BLMH: variants seen among roughly 807,000 people sequenced by gnomAD.
The protein encoded by BLMH is bleomycin hydrolase, also known as BLM hydrolase.
In BLMH, 32 loss-of-function variants were observed where a neutral mutation model predicts 61.6. The ratio of observed to expected loss-of-function variants is 0.52; its 90% CI spans 0.39 to 0.70. The LOEUF (loss-of-function observed/expected upper bound fraction) is 0.70, where lower values mean the gene tolerates loss of function less well. Among genes scored for constraint, BLMH ranks in the 30% least tolerant of loss-of-function variants. The pLI, the probability that BLMH is intolerant of heterozygous loss-of-function variation, is 0.00. For synonymous variants in BLMH, 183 were observed against 193.8 expected (o/e 0.94, Z 0.46); for missense variants, 460 against 555.5 (o/e 0.83, Z 1.73).
intron 6 of BLMH, among the ~76,000 whole-genome samples, chr17:30,281,613 T>A (rs1908594129): frequency 6.6e-6 from 1 of 152,186 alleles, no homozygotes; most frequent in Non-Finnish European, 1.5e-5. Flanking sequence ...TTCCTCGTCC[T>A]CCACATCCAA....
At chr17:30,257,747 G>A (rs1176160136) in intron 11 of BLMH, among the ~76,000 whole-genome samples, 1 of 152,148 alleles carries the variant, frequency 6.6e-6, no homozygotes, top group Non-Finnish European at 1.5e-5. Context: ...AGGAAAGAGG[G>A]CAGTAAGTAA....
intron 11 of BLMH, chr17:30,249,820 G>A (rs1907624375): frequency 6.6e-6 from 1 of 152,476 alleles, no homozygotes; most frequent in Non-Finnish European, 1.5e-5. Context: ...GGCGGAACTA[G>A]AAGACTCAGA....
intron 11 of BLMH, among the ~76,000 whole-genome samples, chr17:30,262,768 C>A (rs1019204173): frequency 7.9e-5 from 12 of 152,110 alleles, no homozygotes; most frequent in Non-Finnish European, 1.6e-4. Context: ...GCACTCCAGC[C>A]TGGGCAACAG....
At chr17:30,289,334 T>C in intron 3 of BLMH, 39 bp downstream of exon 3, 1 of 1,382,126 alleles carries the variant, frequency 7.2e-7, no homozygotes, top group Non-Finnish European at 1.0e-6. Flanking sequence ...CCAAGGCTGA[T>C]ATCAATACAA....
intron 11 of BLMH, among the ~76,000 whole-genome samples, chr17:30,266,086 T>G (rs1465205191): frequency 6.6e-6 from 1 of 152,188 alleles, no homozygotes; most frequent in African/African-American, 2.4e-5. Context: ...TATAAAGAAG[T>G]GCTAAGTGGT....
intron 9 of BLMH, 29 bp downstream of exon 9, chr17:30,272,532 A>G (rs747948748): frequency 4.2e-5 from 67 of 1,612,686 alleles, no homozygotes; most frequent in Non-Finnish European, 4.8e-5. Context: ...CCCACAAATG[A>G]CTTTCCATTT....
intron 6 of BLMH, among the ~76,000 whole-genome samples, 164 bp from the exon 7 acceptor site, chr17:30,274,361 T>C (rs1035985778): frequency 3.3e-5 from 5 of 152,250 alleles, no homozygotes; most frequent in Admixed American, 6.5e-5. Flanking sequence ...GGAAAGCCGA[T>C]GTCTGAGATT....
intron 11 of BLMH, among the ~76,000 whole-genome samples, chr17:30,265,108 G>C (rs1374693175): frequency 6.6e-6 from 1 of 152,204 alleles, no homozygotes; most frequent in African/African-American, 2.4e-5. Flanking sequence ...GTAACTATCT[G>C]ATGATGAAGA....
intron 11 of BLMH, among the ~76,000 whole-genome samples, chr17:30,257,444 T>C (rs532578707): frequency 6.6e-6 from 1 of 152,070 alleles, no homozygotes; most frequent in African/African-American, 2.4e-5. Context: ...TGTGTATGTT[T>C]GTACTAAAAA....
At chr17:30,287,436 T>C (rs990213122) in intron 4 of BLMH, among the ~76,000 whole-genome samples, 2 of 152,252 alleles carry the variant, frequency 1.3e-5, no homozygotes, top group Non-Finnish European at 2.9e-5. Context: ...TATCATACTT[T>C]TGTAAAGTGC....
intron 11 of BLMH, among the ~76,000 whole-genome samples, chr17:30,256,609 C>T (rs1218910986): frequency 3.3e-5 from 5 of 152,054 alleles, no homozygotes; most frequent in East Asian, 1.9e-4. Context: ...GGATTACAGG[C>T]GTAAGCCATC....
intron 6 of BLMH, among the ~76,000 whole-genome samples, chr17:30,281,391 C>T (rs528589548): frequency 6.6e-6 from 1 of 152,050 alleles, no homozygotes; most frequent in African/African-American, 2.4e-5. Flanking sequence ...CAAGGTGATT[C>T]ATGTGCACAT....
At chr17:30,270,586 A>G (rs1197800106) in intron 10 of BLMH, among the ~76,000 whole-genome samples, 1 of 152,204 alleles carries the variant, frequency 6.6e-6, no homozygotes, top group Non-Finnish European at 1.5e-5. Flanking sequence ...GCTAGAAAGA[A>G]TATTTTTGCT....
chr17:30,255,217 G>A (rs896455592), intron 11 of BLMH, among the ~76,000 whole-genome samples: 2 of 152,110 alleles, frequency 1.3e-5, no homozygotes, highest in African/African-American at 2.4e-5. Context: ...TATTTTTGCT[G>A]TACCTTTTCT....
rs370652128 is a variant in BLMH, at chr17:30,250,875, T to C, written c.1217-1707A>G. 3.3e-5 allele frequency among the ~76,000 whole-genome samples: 5 copies of C among 152,294 alleles called. No homozygotes were observed. In the East Asian group the frequency reaches 5.8e-4, roughly 18 times the overall value. ...CGAGTGGATAAAGAAAATGTGATAT[T>C]TATACATCATGGAATATTATACTCG... is the stretch of plus-strand genomic sequence containing the variant. On this transcript the variant is annotated intron_variant, in intron 11 of 11. Coordinates refer to ENST00000261714, the MANE Select transcript of BLMH (RefSeq NM_000386.4).
chr17:30,282,144 C>T lies in BLMH; in HGVS notation c.645+3244G>A, dbSNP rs150132972. Among the ~76,000 whole-genome samples, 663 of 152,100 alleles carry T rather than the reference C, an allele frequency of 4.4e-3. 3 individuals carry two copies. Among genetic ancestry groups the T allele is most frequent in the Non-Finnish European group, 7.8e-3 (528 of 67,984 alleles). ...TGGGTTTCTGGACTCAAGTGATCTGCCTTAGCCTCCCAAGTAGCTGGCACT... is the reference window on the plus strand; with the variant it reads ...TGGGTTTCTGGACTCAAGTGATCTGTCTTAGCCTCCCAAGTAGCTGGCACT... On this transcript the variant is annotated intron_variant, in intron 6 of 11. Transcript: ENST00000261714.
chr17:30,268,353 A>G (rs1908166848), intron 10 of BLMH, among the ~76,000 whole-genome samples: 2 of 152,192 alleles, frequency 1.3e-5, no homozygotes, highest in Admixed American at 6.5e-5. Context: ...GGATTCCATG[A>G]TATCAGCAAC....
At chr17:30,262,012 A>G (rs1366461215) in intron 11 of BLMH, among the ~76,000 whole-genome samples, 1 of 152,242 alleles carries the variant, frequency 6.6e-6, no homozygotes, top group East Asian at 1.9e-4. Flanking sequence ...TCAAATGTTC[A>G]TGTATCTGAA....
At chr17:30,259,887 A>T (rs1157015792) in intron 11 of BLMH, among the ~76,000 whole-genome samples, 1 of 152,180 alleles carries the variant, frequency 6.6e-6, no homozygotes, top group Non-Finnish European at 1.5e-5. Flanking sequence ...TACACTGGTG[A>T]TGTAGCATAA....
Sources: allele counts gnomAD v4.1 joint callset (sites outside exome capture counted in the v4.1 genomes callset), GRCh38; gene constraint gnomAD v4.1.1; transcripts MANE v1.5; gene names NCBI Gene and HGNC (gene_info 2026-07-23, HGNC 2026-07-21).